KCNK10: variants seen among roughly 807,000 people sequenced by gnomAD.
The protein encoded by KCNK10 is potassium channel subfamily K member 10.
KCNK10 carries 25 observed loss-of-function variants against 47.7 expected under a neutral mutation model. The observed-to-expected ratio is 0.52, with a 90% CI of 0.38 to 0.73. The LOEUF (loss-of-function observed/expected upper bound fraction) is 0.73, where lower values mean the gene tolerates loss of function less well. KCNK10 is among the 30% of genes least tolerant of loss of function. The pLI is 0.00. For synonymous variants in KCNK10, 303 were observed against 285.6 expected, an observed-to-expected ratio of 1.06 and a Z score of -0.61; for missense variants, 563 against 714.5, an observed-to-expected ratio of 0.79 and a Z score of 2.42.
intron 4 of KCNK10, among the ~76,000 whole-genome samples, chr14:88,195,502 T>C (rs185403112): frequency 1.3e-5 from 2 of 152,324 alleles, no homozygotes; most frequent in African/African-American, 4.8e-5. Flanking sequence ...ATATGTGGCT[T>C]AAGATAATCT....
chr14:88,251,752 G>A (rs1000572886), intron 2 of KCNK10, among the ~76,000 whole-genome samples: 1 of 152,346 alleles, frequency 6.6e-6, no homozygotes, highest in East Asian at 1.9e-4. Flanking sequence ...CAGCACCTGC[G>A]TGGTTTGGCT....
At chr14:88,270,981 C>T (rs531065600) in intron 1 of KCNK10, 3 of 628,394 alleles carry the variant, frequency 4.8e-6, no homozygotes, top group African/African-American at 1.8e-5. Context: ...CACGCCCCCA[C>T]AAGCAACCTT....
At chr14:88,287,946 T>G (rs1177503164) in intron 1 of KCNK10, among the ~76,000 whole-genome samples, 1 of 152,194 alleles carries the variant, frequency 6.6e-6, no homozygotes, top group Non-Finnish European at 1.5e-5. Context: ...CCATAGTGGT[T>G]GTATTCCCAG....
At chr14:88,207,410 A>G (rs1345064266) in intron 4 of KCNK10, among the ~76,000 whole-genome samples, 2 of 151,936 alleles carry the variant, frequency 1.3e-5, no homozygotes, top group Non-Finnish European at 2.9e-5. Flanking sequence ...TCCTGACCTC[A>G]TGATCCGCCC....
chr14:88,213,862 C>T (rs1196219953), intron 4 of KCNK10, among the ~76,000 whole-genome samples: 1 of 151,476 alleles, frequency 6.6e-6, no homozygotes, highest in African/African-American at 2.4e-5. Context: ...GTTAAATCCC[C>T]AGTGGGAATT....
intron 2 of KCNK10, among the ~76,000 whole-genome samples, chr14:88,259,940 CTTTTTG>C (rs780670437): frequency 6.6e-6 from 1 of 152,010 alleles, no homozygotes; most frequent in South Asian, 2.1e-4. Flanking sequence ...GTTTGTTTGG[CTTTTTG>C]TTTTTGTTTT....
At chr14:88,214,380 T>C (rs912272629) in intron 4 of KCNK10, among the ~76,000 whole-genome samples, 3 of 152,172 alleles carry the variant, frequency 2.0e-5, no homozygotes, top group Non-Finnish European at 2.9e-5. Flanking sequence ...CCTCCTGTTT[T>C]TAACATTAAG....
intron 5 of KCNK10, among the ~76,000 whole-genome samples, chr14:88,189,962 G>C (rs1182304863): frequency 1.3e-5 from 2 of 152,176 alleles, no homozygotes; most frequent in East Asian, 1.9e-4. Context: ...TTAAGAGACC[G>C]TGGTCTACAG....
At chr14:88,277,225 A>C (rs923506668) in intron 1 of KCNK10, among the ~76,000 whole-genome samples, 2 of 150,374 alleles carry the variant, frequency 1.3e-5, no homozygotes, top group Admixed American at 6.6e-5. Context: ...AAAAAAAAAA[A>C]CATTTGGATG....
intron 3 of KCNK10, among the ~76,000 whole-genome samples, chr14:88,233,083 T>C (rs1365263336): frequency 6.6e-6 from 1 of 152,214 alleles, no homozygotes. Flanking sequence ...AAGCATGTAT[T>C]GGGATGTTCT....
At chr14:88,267,796 G>T (rs115590004) in intron 1 of KCNK10, among the ~76,000 whole-genome samples, 1,644 of 152,296 alleles carry the variant, frequency 0.011, 23 homozygotes, top group African/African-American at 0.038. Flanking sequence ...TCTCATGCCT[G>T]GAACCAACAA....
At chr14:88,201,222 C>T (rs577202268) in intron 4 of KCNK10, among the ~76,000 whole-genome samples, 1 of 152,296 alleles carries the variant, frequency 6.6e-6, no homozygotes, top group South Asian at 2.1e-4. Context: ...TATACAAATG[C>T]CTCCAGGAAA....
At chr14:88,315,888 G>A (rs1030315184) in intron 1 of KCNK10, among the ~76,000 whole-genome samples, 1 of 152,074 alleles carries the variant, frequency 6.6e-6, no homozygotes, top group Non-Finnish European at 1.5e-5. Context: ...GGTGGGGAGG[G>A]AACAAGGGAA....
Position 88,255,860 on chromosome 14 carries a change from A to G in KCNK10, c.402+7342T>C, listed in dbSNP as rs574971037. Among the ~76,000 whole-genome samples, 15 of 151,842 alleles carry G rather than the reference A, an allele frequency of 9.9e-5. 1 individual carries two copies. In the South Asian group the frequency reaches 3.1e-3, roughly 32 times the overall value. On this transcript the variant is annotated intron_variant, in intron 2 of 6. Transcript: ENST00000319231. Reference sequence around the variant, plus strand: ...GGGTAAGAGAGCAAGACCCTGTTTTAAAAAAAAGGAATAAAAAAAAGTACC... The same window carrying G: ...GGGTAAGAGAGCAAGACCCTGTTTTGAAAAAAAGGAATAAAAAAAAGTACC...
At chr14:88,234,174 T>C (rs11159849) in intron 3 of KCNK10, among the ~76,000 whole-genome samples, 30,629 of 152,106 alleles carry the variant, frequency 0.2, 3,365 homozygotes, top group East Asian at 0.39. Flanking sequence ...CCCAGCTTCC[T>C]TTGTTGGACG....
At chr14:88,314,258 C>G (rs12589071) in intron 1 of KCNK10, among the ~76,000 whole-genome samples, 29,702 of 151,792 alleles carry the variant, frequency 0.2, 3,077 homozygotes, top group East Asian at 0.28. Flanking sequence ...GATTAGTGCA[C>G]TTATCAAAGA....
chr14:88,219,499 G>A (rs575412176), intron 4 of KCNK10, among the ~76,000 whole-genome samples: 177 of 152,274 alleles, frequency 1.2e-3, no homozygotes, highest in African/African-American at 4.0e-3. Context: ...GTTTGTGATA[G>A]GCTAGCTTAT....
At chr14:88,310,309 T>C (rs926614837) in intron 1 of KCNK10, among the ~76,000 whole-genome samples, 1 of 136,042 alleles carries the variant, frequency 7.4e-6, no homozygotes, top group Non-Finnish European at 1.6e-5. Context: ...GGCTAGGCTG[T>C]GACTTCTCTG....
At chr14:88,303,309 A>G (rs1888140780) in intron 1 of KCNK10, among the ~76,000 whole-genome samples, 1 of 152,200 alleles carries the variant, frequency 6.6e-6, no homozygotes, top group Non-Finnish European at 1.5e-5. Flanking sequence ...ACATTCTGCA[A>G]CAGGCAGCTG....
Sources: gnomAD v4.1 joint callset for allele counts (sites outside exome capture counted in the v4.1 genomes callset) on GRCh38, gnomAD v4.1.1 for gene constraint, MANE v1.5 for transcripts, NCBI Gene and HGNC (gene_info 2026-07-23, HGNC 2026-07-21) for gene names.